Variants in LRRC4C observed in about 807,000 individuals in gnomAD.
The protein encoded by LRRC4C is leucine rich repeat containing 4C.
In LRRC4C, 5 loss-of-function variants were observed where a neutral mutation model predicts 33.6. The observed-to-expected ratio is 0.15, with a 90% CI of 0.08 to 0.31. The LOEUF (loss-of-function observed/expected upper bound fraction) is 0.31. LRRC4C is among the 10% of genes least tolerant of loss of function. The probability of loss-of-function intolerance (pLI) is 1.00; values close to 1 mark genes in which losing one functional copy is unlikely to be tolerated. For missense variants in LRRC4C, 560 were observed against 796.7 expected, an observed-to-expected ratio of 0.70 and a Z score of 3.58; for synonymous variants, 329 against 302.0, an observed-to-expected ratio of 1.09 and a Z score of -0.93.
At chr11:41,157,835 C>A (rs1590785210) in intron 1 of LRRC4C, among the ~76,000 whole-genome samples, 1 of 152,018 alleles carries the variant, frequency 6.6e-6, no homozygotes, top group East Asian at 1.9e-4. Context: ...GCATACGATG[C>A]AAAATAACCT....
At chr11:41,239,684 T>G in intron 1 of LRRC4C, among the ~76,000 whole-genome samples, 1 of 152,190 alleles carries the variant, frequency 6.6e-6, no homozygotes, top group Middle Eastern at 3.2e-3. Flanking sequence ...ATTTTTAATT[T>G]ACTGAATTTG....
intron 3 of LRRC4C, among the ~76,000 whole-genome samples, chr11:40,481,219 G>A (rs1011845674): frequency 2.0e-5 from 3 of 151,998 alleles, no homozygotes; most frequent in Non-Finnish European, 2.9e-5. Flanking sequence ...CACCAGTCAG[G>A]ACAGAAGAGT....
intron 3 of LRRC4C, among the ~76,000 whole-genome samples, chr11:40,627,253 T>TAG (rs58297752): frequency 0.04 from 5,143 of 128,946 alleles, 141 homozygotes; most frequent in African/African-American, 0.093. Flanking sequence ...TGTTTCCCAT[T>TAG]AGAGAGAGAG....
Position 40,365,593 on chromosome 11 carries a change from G to A in LRRC4C, c.-269-45872C>T, listed in dbSNP as rs550319122. ...CCGAGAGGAGATTTTTAAGTAGAAG[G>A]ATGTGTTAACCAAACAAGAGGTGAG... On this transcript the variant is annotated intron_variant, in intron 3 of 6. Transcript: ENST00000528697. Among the ~76,000 whole-genome samples the A allele has an allele frequency of 2.5e-4, 38 of 152,086 alleles. 1 individual carries two copies. In the South Asian group the frequency reaches 7.9e-3, roughly 32 times the overall value.
intron 1 of LRRC4C, among the ~76,000 whole-genome samples, chr11:41,348,687 A>T (rs916477741): frequency 2.6e-5 from 4 of 152,052 alleles, no homozygotes; most frequent in Non-Finnish European, 5.9e-5. Flanking sequence ...GCAGAGCCTG[A>T]GCTAAAAGGG....
intron 3 of LRRC4C, among the ~76,000 whole-genome samples, chr11:40,389,043 T>C (rs1183507511): frequency 8.5e-5 from 13 of 152,148 alleles, no homozygotes; most frequent in Admixed American, 8.5e-4. Context: ...ATTGTTGTCA[T>C]TTTTTCCTTG....
intron 1 of LRRC4C, among the ~76,000 whole-genome samples, chr11:41,335,204 T>C (rs546488040): frequency 6.6e-6 from 1 of 152,334 alleles, no homozygotes; most frequent in South Asian, 2.1e-4. Flanking sequence ...ATATTAAGCA[T>C]AGTGCTTGGA....
chr11:40,926,800 ATATACT>A (rs1957423426), intron 2 of LRRC4C, among the ~76,000 whole-genome samples: 1 of 152,196 alleles, frequency 6.6e-6, no homozygotes, highest in African/African-American at 2.4e-5. Flanking sequence ...AAAATTACAC[ATATACT>A]TATTTAACAA....
intron 5 of LRRC4C, among the ~76,000 whole-genome samples, chr11:40,211,409 A>G (rs913547479): frequency 6.6e-6 from 1 of 152,248 alleles, no homozygotes; most frequent in Admixed American, 6.5e-5. Context: ...AAAAACTTGA[A>G]TAAAACTAAA....
At chr11:41,339,590 T>G (rs780029757) in intron 1 of LRRC4C, among the ~76,000 whole-genome samples, 6 of 152,140 alleles carry the variant, frequency 3.9e-5, no homozygotes, top group Non-Finnish European at 7.4e-5. Flanking sequence ...CCAGTTTAAT[T>G]TCCATGGGAA....
chr11:40,546,804 C>A (rs1255046511), intron 3 of LRRC4C, among the ~76,000 whole-genome samples: 1 of 152,002 alleles, frequency 6.6e-6, no homozygotes, highest in Non-Finnish European at 1.5e-5. Context: ...ACTGTTAGCA[C>A]CATTTTAAAG....
intron 1 of LRRC4C, among the ~76,000 whole-genome samples, chr11:41,354,392 A>T (rs1952086499): frequency 6.6e-6 from 1 of 152,120 alleles, no homozygotes; most frequent in Non-Finnish European, 1.5e-5. Context: ...ACAAATGGAA[A>T]AACATTCCAT....
chr11:40,916,793 G>T (rs2136322247), intron 2 of LRRC4C, among the ~76,000 whole-genome samples: 1 of 151,968 alleles, frequency 6.6e-6, no homozygotes, highest in African/African-American at 2.4e-5. Flanking sequence ...ACACTTAATT[G>T]GTCTTAGAGG....
chr11:40,569,124 T>C (rs1312177400), intron 3 of LRRC4C, among the ~76,000 whole-genome samples: 1 of 152,182 alleles, frequency 6.6e-6, no homozygotes, highest in Non-Finnish European at 1.5e-5. Context: ...GATCTACTGA[T>C]GAGATAAGCT....
intron 6 of LRRC4C, among the ~76,000 whole-genome samples, chr11:40,118,089 A>C (rs1855567120): frequency 6.7e-6 from 1 of 148,702 alleles, no homozygotes; most frequent in African/African-American, 2.4e-5. Flanking sequence ...TTAGATTTAT[A>C]ATGAAATATT....
intron 6 of LRRC4C, among the ~76,000 whole-genome samples, chr11:40,129,656 G>A (rs910499644): frequency 3.9e-5 from 6 of 152,140 alleles, no homozygotes; most frequent in African/African-American, 1.4e-4. Flanking sequence ...CCTAGAGTCA[G>A]CAAATGACTT....
At chr11:41,002,699 T>A (rs910492719) in intron 1 of LRRC4C, among the ~76,000 whole-genome samples, 4 of 152,180 alleles carry the variant, frequency 2.6e-5, no homozygotes, top group African/African-American at 9.6e-5. Flanking sequence ...AGTGCATGGA[T>A]AAGTGATTTA....
intron 1 of LRRC4C, among the ~76,000 whole-genome samples, chr11:41,207,489 T>C (rs1946648334): frequency 1.3e-5 from 2 of 152,204 alleles, no homozygotes; most frequent in African/African-American, 4.8e-5. Flanking sequence ...CAATTAAGGC[T>C]AAATGAAGTC....
At chr11:40,204,974 A>G (rs906586849) in intron 5 of LRRC4C, among the ~76,000 whole-genome samples, 1 of 152,194 alleles carries the variant, frequency 6.6e-6, no homozygotes. Flanking sequence ...ACAAGGAAGC[A>G]CAATCTGTCT....
Sources: gnomAD v4.1 joint callset for allele counts (sites outside exome capture counted in the v4.1 genomes callset) on GRCh38, gnomAD v4.1.1 for gene constraint, MANE v1.5 for transcripts, NCBI Gene and HGNC (gene_info 2026-07-23, HGNC 2026-07-21) for gene names.